The following GRM5 variants were observed in gnomAD, a reference collection of about 807,000 sequenced individuals.
GRM5 encodes the protein metabotropic glutamate receptor 5.
A neutral mutation model predicts 83.1 loss-of-function variants in GRM5; 19 were observed. That is an observed-to-expected ratio of 0.23 (90% CI 0.16 to 0.34). The LOEUF is 0.34. Among genes scored for constraint, GRM5 ranks in the 10% least tolerant of loss-of-function variants. GRM5 has a pLI of 1.00. For missense variants in GRM5, 1,160 were observed against 1,588.3 expected, an observed-to-expected ratio of 0.73 and a Z score of 4.58; for synonymous variants, 675 against 633.6, an observed-to-expected ratio of 1.07 and a Z score of -0.98.
intron 3 of GRM5, among the ~76,000 whole-genome samples, chr11:88,770,039 A>G (rs1293266175): frequency 1.3e-5 from 2 of 152,090 alleles, no homozygotes; most frequent in African/African-American, 4.8e-5. Flanking sequence ...ATATGATGTG[A>G]TTAAAATAGT....
chr11:88,842,597 T>C (rs566920285), intron 3 of GRM5, among the ~76,000 whole-genome samples: 1 of 152,360 alleles, frequency 6.6e-6, no homozygotes, highest in South Asian at 2.1e-4. Context: ...GTCTTGCCTG[T>C]AAATACTCTC....
intron 2 of GRM5, among the ~76,000 whole-genome samples, chr11:88,926,089 A>G (rs977245369): frequency 1.3e-5 from 2 of 152,170 alleles, no homozygotes; most frequent in African/African-American, 4.8e-5. Flanking sequence ...CAGCTATTAT[A>G]TGCACAACAC....
chr11:88,562,350 A>G (rs1320076278), intron 8 of GRM5, among the ~76,000 whole-genome samples: 1 of 152,168 alleles, frequency 6.6e-6, no homozygotes, highest in East Asian at 1.9e-4. Context: ...TCATCAGCTA[A>G]GACCTTAATT....
chr11:88,902,591 C>T (rs1487776949), intron 2 of GRM5, among the ~76,000 whole-genome samples: 1 of 152,086 alleles, frequency 6.6e-6, no homozygotes, highest in African/African-American at 2.4e-5. Flanking sequence ...AAGTTGCTCC[C>T]TGGTTTTTCT....
At chr11:88,627,622 C>A (rs908105912) in intron 4 of GRM5, among the ~76,000 whole-genome samples, 1 of 152,074 alleles carries the variant, frequency 6.6e-6, no homozygotes, top group Non-Finnish European at 1.5e-5. Context: ...AATCTCACCC[C>A]TTTCCCTATT....
At chr11:88,971,243 T>C (rs1939155729) in intron 2 of GRM5, among the ~76,000 whole-genome samples, 1 of 152,198 alleles carries the variant, frequency 6.6e-6, no homozygotes, top group Non-Finnish European at 1.5e-5. Context: ...CATATGTGCA[T>C]ATTATTTGTA....
intron 3 of GRM5, among the ~76,000 whole-genome samples, chr11:88,664,121 A>C (rs750664336): frequency 6.6e-6 from 1 of 152,352 alleles, no homozygotes; most frequent in Admixed American, 6.5e-5. Flanking sequence ...AAGAAAAATT[A>C]TCATTCCCTT....
At chr11:88,619,163 T>C (rs1020071966) in intron 4 of GRM5, among the ~76,000 whole-genome samples, 2 of 152,198 alleles carry the variant, frequency 1.3e-5, no homozygotes, top group Admixed American at 1.3e-4. Flanking sequence ...GTTCTTTAAT[T>C]CATCAGGGAA....
intron 4 of GRM5, among the ~76,000 whole-genome samples, chr11:88,613,627 C>G (rs1340555269): frequency 6.6e-6 from 1 of 152,128 alleles, no homozygotes; most frequent in East Asian, 1.9e-4. Flanking sequence ...GGTCTTGCTT[C>G]TTTATCCAAC....
intron 3 of GRM5, among the ~76,000 whole-genome samples, chr11:88,676,625 T>C (rs1217514172): frequency 3.3e-5 from 5 of 152,084 alleles, no homozygotes; most frequent in Admixed American, 6.6e-5. Context: ...TAGCACAATA[T>C]ATTTCAGAGA....
At chr11:88,593,784 CTT>C (rs1370954360) in intron 6 of GRM5, among the ~76,000 whole-genome samples, 8 of 93,314 alleles carry the variant, frequency 8.6e-5, no homozygotes, top group Admixed American at 3.0e-4. Context: ...CTCTCTCTCT[CTT>C]TCTCTCTTTT....
chr11:88,820,476 T>C (rs1331015729), intron 3 of GRM5, among the ~76,000 whole-genome samples: 1 of 151,710 alleles, frequency 6.6e-6, no homozygotes, highest in Non-Finnish European at 1.5e-5. Context: ...TGAAATAAGG[T>C]GTTCACTGGT....
At chr11:88,526,786 T>C (rs1941889057) in intron 8 of GRM5, among the ~76,000 whole-genome samples, 1 of 152,152 alleles carries the variant, frequency 6.6e-6, no homozygotes, top group African/African-American at 2.4e-5. Flanking sequence ...AATGGCTTAT[T>C]ACATCAAGCA....
chr11:88,724,804 G>A (rs1334237125), intron 3 of GRM5, among the ~76,000 whole-genome samples: 3 of 152,086 alleles, frequency 2.0e-5, no homozygotes, highest in African/African-American at 4.8e-5. Context: ...AGTACAAGGG[G>A]TTGGGGAACT....
chr11:88,820,562 AGTT>A (rs1336737349), intron 3 of GRM5, among the ~76,000 whole-genome samples: 1 of 152,228 alleles, frequency 6.6e-6, no homozygotes, highest in African/African-American at 2.4e-5. Context: ...TGGCTTTTAC[AGTT>A]ATTAACCCTG....
chr11:88,735,058 C>CCTAT (rs1404563168), intron 3 of GRM5, among the ~76,000 whole-genome samples: 2 of 149,960 alleles, frequency 1.3e-5, no homozygotes, highest in African/African-American at 5.0e-5. Context: ...TCAAAATAAA[C>CCTAT]CTATCTTAAG....
At chr11:88,565,348 T>C (rs930580190) in intron 8 of GRM5, among the ~76,000 whole-genome samples, 4 of 152,230 alleles carry the variant, frequency 2.6e-5, no homozygotes, top group African/African-American at 9.6e-5. Flanking sequence ...AGAGACAAAG[T>C]AGCACTGCTG....
intron 2 of GRM5, among the ~76,000 whole-genome samples, chr11:88,902,986 A>G (rs551007677): frequency 8.0e-5 from 12 of 150,580 alleles, no homozygotes; most frequent in African/African-American, 2.7e-4. Context: ...AAAAGCAAAG[A>G]AAAGGAAAGA....
chr11:88,774,885 G>A (rs1942815410), intron 3 of GRM5, among the ~76,000 whole-genome samples: 1 of 152,182 alleles, frequency 6.6e-6, no homozygotes, highest in Non-Finnish European at 1.5e-5. Context: ...ATGTTCATCA[G>A]GGATATTGGT....
Sources: gnomAD v4.1 joint callset for allele counts (sites outside exome capture counted in the v4.1 genomes callset) on GRCh38, gnomAD v4.1.1 for gene constraint, MANE v1.5 for transcripts, NCBI Gene and HGNC (gene_info 2026-07-23, HGNC 2026-07-21) for gene names.